ELOVL5: variants seen among roughly 807,000 people sequenced by gnomAD.
ELOVL5 encodes the protein very long chain fatty acid elongase 5.
Under a neutral mutation model 38.6 loss-of-function variants are expected in ELOVL5, and 8 were observed. The ratio of observed to expected loss-of-function variants is 0.21; its 90% CI spans 0.12 to 0.37. The LOEUF (loss-of-function observed/expected upper bound fraction) is 0.37. ELOVL5 is among the 10% of genes least tolerant of loss of function. The probability of loss-of-function intolerance (pLI) is 1.00; values close to 1 mark genes in which losing one functional copy is unlikely to be tolerated. For synonymous variants in ELOVL5, 127 were observed against 133.7 expected, an observed-to-expected ratio of 0.95 and a Z score of 0.34; for missense variants, 280 against 367.8, an observed-to-expected ratio of 0.76 and a Z score of 1.95.
chr6:53,294,774 T>C (rs922236969), intron 2 of ELOVL5, among the ~76,000 whole-genome samples: 1 of 152,206 alleles, frequency 6.6e-6, no homozygotes, highest in Non-Finnish European at 1.5e-5. Flanking sequence ...TCCAGATGAT[T>C]CCTTGAAAAA....
At chr6:53,312,654 G>A (rs1254674325) in intron 1 of ELOVL5, among the ~76,000 whole-genome samples, 1 of 152,144 alleles carries the variant, frequency 6.6e-6, no homozygotes, top group Non-Finnish European at 1.5e-5. Context: ...ACCACTGGGG[G>A]AAACAGGGTA....
At chr6:53,282,137 C>T (rs1334337980) in intron 3 of ELOVL5, among the ~76,000 whole-genome samples, 2 of 152,230 alleles carry the variant, frequency 1.3e-5, no homozygotes, top group Non-Finnish European at 1.5e-5. Flanking sequence ...ATAAGGTAGG[C>T]ACTATCTGTC....
chr6:53,269,366 C>CCTTTA, intron 7 of ELOVL5, 96 bp from the exon 8 acceptor site: 1 of 962,202 alleles, frequency 1.0e-6, no homozygotes, highest in Non-Finnish European at 1.5e-6. Flanking sequence ...GGCCTAGTTT[C>CCTTTA]AAGATCAAAT....
chr6:53,291,744 T>C (rs1359798799), intron 3 of ELOVL5, 32 bp downstream of exon 3: 2 of 1,542,032 alleles, frequency 1.3e-6, no homozygotes, highest in African/African-American at 1.4e-5. Context: ...TGCATTTATG[T>C]GAAAGGAAGA....
intron 3 of ELOVL5, among the ~76,000 whole-genome samples, chr6:53,281,825 T>TC (rs974153192): frequency 6.6e-6 from 1 of 151,548 alleles, no homozygotes; most frequent in Non-Finnish European, 1.5e-5. Flanking sequence ...CACAGGTGTT[T>TC]TTTTTTTTTC....
intron 1 of ELOVL5, among the ~76,000 whole-genome samples, chr6:53,327,598 A>G (rs1768605988): frequency 6.6e-6 from 1 of 152,166 alleles, no homozygotes; most frequent in African/African-American, 2.4e-5. Context: ...AATGTTTTGG[A>G]ATTAGAGGTG....
intron 2 of ELOVL5, chr6:53,294,088 T>C (rs1766882667): frequency 5.8e-6 from 8 of 1,370,560 alleles, no homozygotes; most frequent in Non-Finnish European, 9.5e-7. Flanking sequence ...AATCTCCCTA[T>C]TTTAACTTAA....
At chr6:53,340,278 A>G (rs1319620683) in intron 1 of ELOVL5, among the ~76,000 whole-genome samples, 2 of 152,188 alleles carry the variant, frequency 1.3e-5, no homozygotes, top group South Asian at 2.1e-4. Context: ...TTTATTATAA[A>G]TAAGTAGAGA....
intron 1 of ELOVL5, among the ~76,000 whole-genome samples, chr6:53,340,093 G>A (rs575531602): frequency 2.6e-5 from 4 of 152,014 alleles, no homozygotes; most frequent in South Asian, 4.1e-4. Flanking sequence ...ATAAGGATAC[G>A]AAGAAATAAA....
intron 1 of ELOVL5, among the ~76,000 whole-genome samples, chr6:53,331,968 C>G (rs1768824155): frequency 1.3e-5 from 2 of 152,166 alleles, no homozygotes; most frequent in South Asian, 4.1e-4. Flanking sequence ...CCAAGAGTGT[C>G]ACATGGTGAG....
chr6:53,287,809 T>A, intron 3 of ELOVL5: 1 of 1,479,498 alleles, frequency 6.8e-7, no homozygotes, highest in East Asian at 2.5e-5. Flanking sequence ...AGCCATCCTT[T>A]CAACACAGTG....
chr6:53,326,559 C>A (rs1195036940), intron 1 of ELOVL5, among the ~76,000 whole-genome samples: 1 of 152,202 alleles, frequency 6.6e-6, no homozygotes, highest in Non-Finnish European at 1.5e-5. Context: ...ACCCGCCTGT[C>A]CCACTTCCCC....
chr6:53,347,847 C>T (rs1769629224), intron 1 of ELOVL5, among the ~76,000 whole-genome samples: 1 of 152,180 alleles, frequency 6.6e-6, no homozygotes. Flanking sequence ...TGCAAGAACA[C>T]GGAACGGTTG....
intron 1 of ELOVL5, among the ~76,000 whole-genome samples, chr6:53,336,665 C>T (rs1769087351): frequency 6.6e-6 from 1 of 152,118 alleles, no homozygotes; most frequent in Non-Finnish European, 1.5e-5. Flanking sequence ...TGCCAGTTTC[C>T]ATGATCATTT....
In ELOVL5 at chr6:53,269,008, C is replaced by T. The variant is rs1009098657; in HGVS notation, c.*119G>A. The T allele has an allele frequency of 1.2e-5, 14 of 1,168,632 alleles. No homozygotes were observed. The highest frequency in any genetic ancestry group is 3.1e-5 in the African/African-American group (2 of 64,740). The allele number at this position is 1,168,632 out of a possible 1,614,324, so 72.4% of individuals were successfully genotyped here. A position where few individuals can be genotyped will look rare whatever the true frequency, so the allele number is the denominator to read the frequency against. On this transcript the variant is annotated 3_prime_UTR_variant, in exon 8 of 8. Transcript: ENST00000304434. The stretch of plus-strand genomic sequence containing the variant: ...TTTTGAATTGATGAAAGAAGTCCTA[C>T]ATGAATCACACTATTGTAGGCCAGA...
chr6:53,327,091 A>G (rs934337683), intron 1 of ELOVL5, among the ~76,000 whole-genome samples: 2 of 152,146 alleles, frequency 1.3e-5, no homozygotes, highest in African/African-American at 2.4e-5. Context: ...AAATCCTTTG[A>G]AACAGGATAT....
At chr6:53,319,897 C>A (rs368117835) in intron 1 of ELOVL5, among the ~76,000 whole-genome samples, 1 of 152,220 alleles carries the variant, frequency 6.6e-6, no homozygotes, top group African/African-American at 2.4e-5. Context: ...AGAGTACTCT[C>A]ATATTATCTG....
chr6:53,289,325 G>C (rs1295190906), intron 3 of ELOVL5, among the ~76,000 whole-genome samples: 1 of 152,188 alleles, frequency 6.6e-6, no homozygotes, highest in African/African-American at 2.4e-5. Context: ...AAAATGAGGG[G>C]CCCCATGGGG....
At chr6:53,339,051 C>A (rs759882824) in intron 1 of ELOVL5, among the ~76,000 whole-genome samples, 4 of 152,166 alleles carry the variant, frequency 2.6e-5, no homozygotes, top group African/African-American at 9.7e-5. Context: ...TCAATCTACA[C>A]GCCCACATTT....
Sources: gnomAD v4.1 joint callset for allele counts (sites outside exome capture counted in the v4.1 genomes callset) on GRCh38, gnomAD v4.1.1 for gene constraint, MANE v1.5 for transcripts, NCBI Gene and HGNC (gene_info 2026-07-23, HGNC 2026-07-21) for gene names.